DLEC1: variants seen among roughly 807,000 people sequenced by gnomAD.
The protein encoded by DLEC1 is DLEC1 cilia and flagella associated protein, also known as deleted in lung and esophageal cancer protein 1.
DLEC1 carries 146 observed loss-of-function variants against 198.1 expected under a neutral mutation model. The ratio of observed to expected loss-of-function variants is 0.74; its 90% CI spans 0.64 to 0.85. The LOEUF (loss-of-function observed/expected upper bound fraction) is 0.85, where lower values mean the gene tolerates loss of function less well. DLEC1 is among the 40% of genes least tolerant of loss of function. The pLI is 0.00. For synonymous variants in DLEC1, 897 were observed against 866.8 expected, an observed-to-expected ratio of 1.03 and a Z score of -0.61; for missense variants, 2,233 against 2,220.0, an observed-to-expected ratio of 1.01 and a Z score of -0.12.
intron 10 of DLEC1, among the ~76,000 whole-genome samples, chr3:38,091,776 G>C (rs758160833): frequency 6.6e-5 from 10 of 152,068 alleles, no homozygotes; most frequent in Non-Finnish European, 1.5e-4. Flanking sequence ...TTAATCATCA[G>C]GGAAATGCAA....
chr3:38,086,412 C>T lies in DLEC1; in HGVS notation c.1572+35C>T, dbSNP rs775950193. Reference sequence around the variant, plus strand: ...CACAGGTTGCTAACTGGAAAAATTACAAGTCCATCAAAGGAAATAACCCCC... The same window carrying T: ...CACAGGTTGCTAACTGGAAAAATTATAAGTCCATCAAAGGAAATAACCCCC... On this transcript the variant is annotated intron_variant, in intron 9 of 36. Transcript: ENST00000308059. 8.9e-6 allele frequency: 14 copies of T among 1,576,040 alleles called. No individual in the cohort carries two copies. In the South Asian group the frequency reaches 1.4e-4, roughly 16 times the overall value.
Position 38,082,200 on chromosome 3 carries a change from C to T in DLEC1, c.1174-1958C>T, listed in dbSNP as rs1331318635. ...CGCTCCCCACATCTCAGACGATGGG[C>T]GGCCGGGCAGAGACGCTCCTCACTT... On this transcript the variant is annotated intron_variant, in intron 6 of 36. Coordinates refer to ENST00000308059, the MANE Select transcript of DLEC1 (RefSeq NM_007335.4). Among the ~76,000 whole-genome samples, 22 of 142,464 alleles carry T rather than the reference C, an allele frequency of 1.5e-4. No homozygotes were observed. The East Asian group carries it at 3.5e-3, about 23-fold the overall frequency. The allele number at this position is 142,464 out of a possible 152,430, so 93.5% of individuals were successfully genotyped here. A position where few individuals can be genotyped will look rare whatever the true frequency, so the allele number is the denominator to read the frequency against.
intron 15 of DLEC1, 88 bp downstream of exon 15, chr3:38,096,825 A>T: frequency 6.9e-7 from 1 of 1,438,948 alleles, no homozygotes; most frequent in Non-Finnish European, 9.3e-7. Flanking sequence ...GGAGGGGCAG[A>T]TGGTAGCAGC....
intron 6 of DLEC1, among the ~76,000 whole-genome samples, chr3:38,079,218 A>G (rs1221671925): frequency 6.6e-6 from 1 of 152,164 alleles, no homozygotes; most frequent in Non-Finnish European, 1.5e-5. Flanking sequence ...TAGTCAGGGA[A>G]GCAGATAATT....
intron 11 of DLEC1, 49 bp downstream of exon 11, chr3:38,092,929 C>G: frequency 6.4e-7 from 1 of 1,560,640 alleles, no homozygotes; most frequent in South Asian, 1.1e-5. Context: ...GCTGCCCCAG[C>G]TCCAGGGGCC....
rs36046028 is a variant in DLEC1 at position 38,045,533 on chromosome 3, C to A, written c.412-10C>A. The A allele has an allele frequency of 6.2e-7, 1 of 1,610,262 alleles. No homozygotes were observed. Among genetic ancestry groups the A allele is most frequent in the Non-Finnish European group, 8.5e-7 (1 of 1,178,382 alleles). On this transcript the variant is annotated splice_polypyrimidine_tract_variant and intron_variant, in intron 1 of 36. Transcript: ENST00000308059. ...CCATATTTCTGTGCATTTGATCATC[C>A]CCCTGCCAGATTCGGGAGCTCTATA...
intron 33 of DLEC1, among the ~76,000 whole-genome samples, chr3:38,118,954 GAC>G (rs1700320268): frequency 6.6e-6 from 1 of 152,142 alleles, no homozygotes; most frequent in Admixed American, 6.5e-5. Context: ...GGAGGTCAGG[GAC>G]ACACACGGAT....
Position 38,114,323 on chromosome 3 carries a change from G to T in DLEC1, c.3667-19G>T, listed in dbSNP as rs144352529. ...GCAACCGGTGACAGGAGTGACAAAG[G>T]GCTGGGGTGTGTTTGCAGGTGGGAG... On this transcript the variant is annotated intron_variant, in intron 25 of 36. Coordinates refer to ENST00000308059, the MANE Select transcript of DLEC1 (RefSeq NM_007335.4). 1 of 1,612,880 alleles carries T rather than the reference G, an allele frequency of 6.2e-7. No individual in the cohort carries two copies. The highest frequency in any genetic ancestry group is 1.7e-5 in the Admixed American group (1 of 59,982).
Position 38,039,605 on chromosome 3 carries a change from G to C in DLEC1, c.380G>C (p.Arg127Pro), listed in dbSNP as rs777141843. The C allele has an allele frequency of 1.2e-6, 2 of 1,609,152 alleles. No homozygotes were observed. Among genetic ancestry groups the C allele is most frequent in the Admixed American group, 3.3e-5 (2 of 59,726 alleles). Residue 127 changes from arginine (R) to proline (P), a missense_variant, in exon 1 of 37, where the codon CGC becomes CCC. Arg to Pro is a moderately radical substitution (Grantham distance 103, BLOSUM62 -2). Transcript: ENST00000308059. ...LIKARGSENE[R>P]HEEFVDQLQQ... Reference sequence around the variant, plus strand: ...AAGGCCCGCGGCAGCGAGAATGAGCGCCACGAGGAGTTCGTGGACCAGCTG... The same window carrying C: ...AAGGCCCGCGGCAGCGAGAATGAGCCCCACGAGGAGTTCGTGGACCAGCTG...
At chr3:38,099,074 C>T (rs1699175222) in intron 18 of DLEC1, among the ~76,000 whole-genome samples, 1 of 152,156 alleles carries the variant, frequency 6.6e-6, no homozygotes, top group Non-Finnish European at 1.5e-5. Context: ...TCAAATGAAA[C>T]TTTATGCAAA....
rs1391347662 is a variant in DLEC1 at position 38,062,322 on chromosome 3, G to A, written c.827G>A (p.Trp276Ter). ...GACCACACTGTGGACAGCCTGACATGGAATTTAACTCCTAAGGCCAAAGAA... is the reference window on the plus strand; with the variant it reads ...GACCACACTGTGGACAGCCTGACATAGAATTTAACTCCTAAGGCCAAAGAA... Reference protein sequence around the residue: ...ELDHTVDSLTWNLTPKAKERT... With the variant: ...ELDHTVDSLT Residue 276 changes from tryptophan to a stop codon, truncating the protein, a stop_gained, in exon 4 of 37, where the codon TGG (tryptophan) becomes TAG (stop). Transcript: ENST00000308059. LOFTEE classifies it high-confidence loss of function. 3 of 1,614,176 alleles carry A rather than the reference G, an allele frequency of 1.9e-6. No homozygotes were observed. The highest frequency in any genetic ancestry group is 1.7e-5 in the Admixed American group (1 of 60,030).
chr3:38,059,956 C>T (rs1696593740), intron 3 of DLEC1, 104 bp downstream of exon 3: 2 of 948,944 alleles, frequency 2.1e-6, no homozygotes, highest in East Asian at 2.5e-5. Context: ...AGGTTTTTTT[C>T]ACCTTTTCTT....
At chr3:38,084,488 GGTGGTAGTAGTA>G (rs1559430482) in intron 7 of DLEC1, among the ~76,000 whole-genome samples, 13 of 14,888 alleles carry the variant, frequency 8.7e-4, no homozygotes, top group South Asian at 2.6e-3. Context: ...TGGTAGTAGT[GGTGGTAGTAGTA>G]GTGGTAGTAG....
At chr3:38,104,338 T>C (rs1370291266) in intron 19 of DLEC1, among the ~76,000 whole-genome samples, 1 of 152,086 alleles carries the variant, frequency 6.6e-6, no homozygotes, top group Non-Finnish European at 1.5e-5. Context: ...ACACCTGTAA[T>C]CCCAGCTACT....
At position 38,100,320 on chromosome 3, in the gene DLEC1, A is replaced by G. The variant is rs760446998; in HGVS notation, c.2759A>G (p.Gln920Arg). ...TTCGACATTGAGCCTTCGAGTGGCC[A>G]GCTTCACTCTCTGGGGGAGTGCAGG... is the stretch of plus-strand genomic sequence containing the variant. ...SPFDIEPSSG[Q>R]LHSLGECRVD... Residue 920 changes from glutamine (Q) to arginine (R), a missense_variant, in exon 19 of 37, where the codon CAG becomes CGG. Coordinates refer to ENST00000308059, the MANE Select transcript of DLEC1 (RefSeq NM_007335.4). The G allele has an allele frequency of 2.0e-5, 33 of 1,613,322 alleles. No homozygotes were observed. Among genetic ancestry groups the G allele is most frequent in the Non-Finnish European group, 2.6e-5 (31 of 1,179,798 alleles).
chr3:38,039,742 C>T, intron 1 of DLEC1, 106 bp downstream of exon 1: 3 of 1,432,380 alleles, frequency 2.1e-6, no homozygotes, highest in Non-Finnish European at 2.8e-6. Context: ...TCTGGGGCTG[C>T]AGTTGAGAAA....
At position 38,092,810 on chromosome 3, in the gene DLEC1, C is replaced by G. The variant is rs771315567; in HGVS notation, c.1686C>G (p.Ser562Arg). ...CCCAGGTCTTGTTTTCCCCAAAGAG[C>G]CTAGGAAAGGCAGAGCAGACCTTCA... The part of the protein sequence containing the change: ...ILVEVLFSPK[S>R]LGKAEQTFII... Residue 562 changes from serine (S) to arginine (R), a missense_variant, in exon 11 of 37, where the codon AGC (serine) becomes AGG (arginine). Coordinates refer to ENST00000308059, the MANE Select transcript of DLEC1 (RefSeq NM_007335.4). 6.2e-7 allele frequency: 1 copy of G among 1,614,084 alleles called. No individual in the cohort carries two copies. Among genetic ancestry groups the G allele is most frequent in the South Asian group, 1.1e-5 (1 of 91,090 alleles).
chr3:38,092,910 G>C (rs1310821983), intron 11 of DLEC1, 30 bp downstream of exon 11: 3 of 1,606,782 alleles, frequency 1.9e-6, no homozygotes, highest in East Asian at 4.5e-5. Flanking sequence ...CAGGGGCAAG[G>C]CTGGAGAGGC....
At chr3:38,057,443 G>A (rs1365709201) in intron 2 of DLEC1, among the ~76,000 whole-genome samples, 2 of 151,828 alleles carry the variant, frequency 1.3e-5, no homozygotes, top group Non-Finnish European at 2.9e-5. Flanking sequence ...AGTGAGCTGA[G>A]ATCATGCCAC....
Sources: allele counts gnomAD v4.1 joint callset (sites outside exome capture counted in the v4.1 genomes callset), GRCh38; gene constraint gnomAD v4.1.1; transcripts MANE v1.5; gene names NCBI Gene and HGNC (gene_info 2026-07-23, HGNC 2026-07-21).